DRD3: variants seen among roughly 807,000 people sequenced by gnomAD.
DRD3 encodes the protein D(3) dopamine receptor.
DRD3 carries 19 observed loss-of-function variants against 36.3 expected under a neutral mutation model. The observed-to-expected ratio is 0.52, with a 90% CI of 0.36 to 0.77. The LOEUF (loss-of-function observed/expected upper bound fraction) is 0.77, where lower values mean the gene tolerates loss of function less well. DRD3 is among the 30% of genes least tolerant of loss of function. The probability of loss-of-function intolerance (pLI) is 0.00; values close to 1 mark genes in which losing one functional copy is unlikely to be tolerated. For synonymous variants in DRD3, 195 were observed against 203.7 expected, an observed-to-expected ratio of 0.96 and a Z score of 0.36; for missense variants, 465 against 505.3, an observed-to-expected ratio of 0.92 and a Z score of 0.77.
intron 2 of DRD3, among the ~76,000 whole-genome samples, chr3:114,167,069 C>T (rs2077792791): frequency 6.6e-6 from 1 of 152,072 alleles, no homozygotes; most frequent in African/African-American, 2.4e-5. Flanking sequence ...AGATTCTTCC[C>T]TTCCCAAAAT....
At chr3:114,174,663 T>C (rs1366518625) in intron 1 of DRD3, among the ~76,000 whole-genome samples, 1 of 151,882 alleles carries the variant, frequency 6.6e-6, no homozygotes, top group Non-Finnish European at 1.5e-5. Flanking sequence ...GAGTTGTGGA[T>C]GTGGGAGATG....
At chr3:114,128,987 CG>C in intron 6 of DRD3, 75 bp from the exon 7 acceptor site, 2 of 1,417,954 alleles carry the variant, frequency 1.4e-6, no homozygotes, top group Non-Finnish European at 1.9e-6. Context: ...GAATGACTCA[CG>C]GTTGTCTACT....
chr3:114,159,970 C>T, intron 2 of DRD3, 103 bp from the exon 3 acceptor site: 1 of 900,390 alleles, frequency 1.1e-6, no homozygotes, highest in Non-Finnish European at 1.8e-6. Context: ...GATGTTGGCA[C>T]TCCTACTCCC....
At chr3:114,129,012 TA>T in intron 6 of DRD3, 100 bp from the exon 7 acceptor site, 1 of 1,315,216 alleles carries the variant, frequency 7.6e-7, no homozygotes, top group Non-Finnish European at 1.0e-6. Flanking sequence ...TGCCAGCCAC[TA>T]AGCTGGAAGT....
chr3:114,189,344 TG>T (rs1162419681), intron 1 of DRD3, among the ~76,000 whole-genome samples: 3 of 152,228 alleles, frequency 2.0e-5, no homozygotes, highest in Non-Finnish European at 4.4e-5. Flanking sequence ...GACTTGGAGT[TG>T]AAGACTGGAG....
chr3:114,144,810 G>A (rs1198699646), intron 4 of DRD3, among the ~76,000 whole-genome samples: 1 of 152,186 alleles, frequency 6.6e-6, no homozygotes, highest in African/African-American at 2.4e-5. Flanking sequence ...AAAAGACAGA[G>A]CGATTGTGAG....
intron 2 of DRD3, 37 bp downstream of exon 2, chr3:114,171,686 C>T (rs748398354): frequency 2.0e-6 from 3 of 1,514,728 alleles, no homozygotes; most frequent in East Asian, 2.4e-5. Context: ...AGTACTAGCA[C>T]AGTCATAGAG....
chr3:114,145,781 G>A (rs2077565057), intron 4 of DRD3, among the ~76,000 whole-genome samples: 1 of 151,990 alleles, frequency 6.6e-6, no homozygotes, highest in South Asian at 2.1e-4. Flanking sequence ...TAAGTTGTAT[G>A]GTACATATAG....
At chr3:114,190,978 C>T (rs2078008190) in intron 1 of DRD3, among the ~76,000 whole-genome samples, 1 of 152,158 alleles carries the variant, frequency 6.6e-6, no homozygotes, top group Non-Finnish European at 1.5e-5. Context: ...GAGTTACGTT[C>T]AAGCTAGGGC....
chr3:114,156,057 A>G (rs1005369065), intron 3 of DRD3, among the ~76,000 whole-genome samples: 1 of 152,166 alleles, frequency 6.6e-6, no homozygotes, highest in Non-Finnish European at 1.5e-5. Context: ...GACACACATT[A>G]ACTCATTTCA....
intron 4 of DRD3, among the ~76,000 whole-genome samples, chr3:114,143,686 C>G (rs1440956042): frequency 6.6e-6 from 1 of 152,184 alleles, no homozygotes; most frequent in Non-Finnish European, 1.5e-5. Context: ...TAAGCTCCCC[C>G]TCCCCCAACC....
At chr3:114,162,125 C>A (rs2077738975) in intron 2 of DRD3, among the ~76,000 whole-genome samples, 1 of 152,036 alleles carries the variant, frequency 6.6e-6, no homozygotes, top group Non-Finnish European at 1.5e-5. Context: ...TACTACAGGG[C>A]CTATCCTTAA....
At chr3:114,171,248 G>A (rs993944133) in intron 2 of DRD3, among the ~76,000 whole-genome samples, 2 of 152,064 alleles carry the variant, frequency 1.3e-5, no homozygotes, top group Non-Finnish European at 1.5e-5. Context: ...TGATCTGTTC[G>A]CTGGTCATTC....
chr3:114,134,851 T>C (rs1577580899), intron 5 of DRD3, among the ~76,000 whole-genome samples: 1 of 152,360 alleles, frequency 6.6e-6, no homozygotes, highest in East Asian at 1.9e-4. Context: ...TGCAATATTT[T>C]GATACATGCA....
chr3:114,178,251 C>T (rs1284228087), intron 1 of DRD3, among the ~76,000 whole-genome samples: 6 of 152,148 alleles, frequency 3.9e-5, no homozygotes. Context: ...CTCTCCAAAC[C>T]TTCAGCTCTG....
At chr3:114,148,932 C>T (rs1429976818) in intron 3 of DRD3, among the ~76,000 whole-genome samples, 1 of 152,122 alleles carries the variant, frequency 6.6e-6, no homozygotes, top group Admixed American at 6.5e-5. Context: ...AGGCTGGTCT[C>T]GAACTCCTGA....
chr3:114,160,433 A>G (rs2077722004), intron 2 of DRD3, among the ~76,000 whole-genome samples: 1 of 152,008 alleles, frequency 6.6e-6, no homozygotes, highest in Non-Finnish European at 1.5e-5. Flanking sequence ...TTTTAAATAA[A>G]CACTCCTATA....
chr3:114,152,710 G>A (rs2077629153), intron 3 of DRD3, among the ~76,000 whole-genome samples: 1 of 152,212 alleles, frequency 6.6e-6, no homozygotes, highest in Non-Finnish European at 1.5e-5. Context: ...GAGAGGGAAA[G>A]CCCGGCGCCC....
chr3:114,139,702 G>A lies in DRD3; in HGVS notation c.527-6C>T, dbSNP rs200176494. 38 of 1,613,340 alleles carry A rather than the reference G, an allele frequency of 2.4e-5. No individual in the cohort carries two copies. Among genetic ancestry groups the A allele is most frequent in the Non-Finnish European group, 3.1e-5 (37 of 1,179,586 alleles). On this transcript the variant is annotated splice_polypyrimidine_tract_variant and splice_region_variant and intron_variant, in intron 4 of 6. Transcript: ENST00000383673. ...GGAGCAGACAGTGGGGTCCCCTGTG[G>A]ATGAGAAGGGGGAAGGTAAAGCAGT...
Sources: gnomAD v4.1 joint callset for allele counts (sites outside exome capture counted in the v4.1 genomes callset) on GRCh38, gnomAD v4.1.1 for gene constraint, MANE v1.5 for transcripts, NCBI Gene and HGNC (gene_info 2026-07-23, HGNC 2026-07-21) for gene names.